Variants in MGST1 observed in about 807,000 individuals in gnomAD.
MGST1 encodes microsomal glutathione S-transferase 1.
MGST1 carries 5 observed loss-of-function variants against 8.9 expected under a neutral mutation model. The observed-to-expected ratio is 0.56, with a 90% CI of 0.29 to 1.19. The LOEUF (loss-of-function observed/expected upper bound fraction) is 1.19, where lower values mean the gene tolerates loss of function less well. Ranked by LOEUF, MGST1 falls within the 50% of genes most tolerant of loss-of-function variation. The probability of loss-of-function intolerance (pLI) is 0.08; values close to 1 mark genes in which losing one functional copy is unlikely to be tolerated. For missense variants in MGST1, 182 were observed against 187.4 expected (o/e 0.97, Z 0.17); for synonymous variants, 54 against 67.8 (o/e 0.80, Z 1.00).
At chr12:16,558,813 G>T (rs567088205) in intron 4 of MGST1, among the ~76,000 whole-genome samples, 17 of 152,248 alleles carry the variant, frequency 1.1e-4, no homozygotes, top group Non-Finnish European at 2.4e-4. Flanking sequence ...AAATTATAAA[G>T]ATAACTAACT....
intron 4 of MGST1, among the ~76,000 whole-genome samples, chr12:16,574,741 A>G (rs1031475513): frequency 1.3e-5 from 2 of 152,228 alleles, no homozygotes; most frequent in South Asian, 4.1e-4. Flanking sequence ...ATTAGAAAAG[A>G]AAGTCTTCTA....
Position 16,478,688 on chromosome 12 carries a change from A to G in MGST1, n.482+95084A>G, listed in dbSNP as rs16911964. 5.2e-3 allele frequency among the ~76,000 whole-genome samples: 786 copies of G among 152,198 alleles called. 26 individuals are homozygous for G. In the East Asian group the frequency reaches 0.064, roughly 12 times the overall value. ...TACATAAAATAGATAATAAATTACA[A>G]TATTAAAAAATGTATAGATTGGACC... On this transcript the variant is annotated intron_variant and non_coding_transcript_variant, in intron 4 of 4. Coordinates refer to the MGST1 transcript ENST00000538857.
intron 1 of MGST1, among the ~76,000 whole-genome samples, chr12:16,427,646 T>G (rs1940901866): frequency 6.6e-6 from 1 of 152,220 alleles, no homozygotes; most frequent in East Asian, 1.9e-4. Context: ...CATCCCAAAG[T>G]GCTGGGATTA....
At position 16,347,921 on chromosome 12, in the gene MGST1, C is replaced by A. The variant is rs558021306; in HGVS notation, c.-23+211C>A. 6.6e-6 allele frequency: 1 copy of A among 152,356 alleles called. No individual in the cohort carries two copies. The highest frequency in any genetic ancestry group is 1.9e-4 in the East Asian group (1 of 5,176). The allele number at this position is 152,356 out of a possible 1,614,324, so 9.4% of individuals were successfully genotyped here. On this transcript the variant is annotated intron_variant, in intron 1 of 3. Transcript: ENST00000396210. The surrounding 1 kb of genome is among the most constrained non-coding windows in gnomAD (Gnocchi z 4.0). ...CGGGTAAGTTTTCCCATTTCTCAAA[C>A]TCCAGGAATGAAACGAGAGAGTCTT...
intron 3 of MGST1, chr12:16,360,382 CGT>C: frequency 1.0e-5 from 10 of 984,828 alleles, no homozygotes; most frequent in Non-Finnish European, 1.2e-5. Flanking sequence ...TATGCTTTAC[CGT>C]GTGCAACAAT....
In MGST1 at chr12:16,445,422, GC is replaced by G. The variant is rs1941072182; in HGVS notation, n.482+61819del. Among the ~76,000 whole-genome samples the G allele has an allele frequency of 4.6e-5, 7 of 151,962 alleles. No homozygotes were observed. In the South Asian group the frequency reaches 1.5e-3, roughly 32 times the overall value. Reference sequence around the variant, plus strand: ...TGTGCTTTACCAAATCCTCCAGCATGCTAGCCATCTCTTGTTCACTTTGCAT... The same window carrying G: ...TGTGCTTTACCAAATCCTCCAGCATGTAGCCATCTCTTGTTCACTTTGCAT... On this transcript the variant is annotated intron_variant and non_coding_transcript_variant, in intron 4 of 4. Coordinates refer to the MGST1 transcript ENST00000538857.
At chr12:16,424,723 A>G (rs533050153) in intron 1 of MGST1, among the ~76,000 whole-genome samples, 10 of 152,286 alleles carry the variant, frequency 6.6e-5, no homozygotes, top group African/African-American at 1.9e-4. Context: ...ATGAAAGCTA[A>G]ATCTGGCACA....
chr12:16,447,578 G>T (rs76738110), intron 4 of MGST1, among the ~76,000 whole-genome samples: 254 of 152,050 alleles, frequency 1.7e-3, no homozygotes, highest in Admixed American at 3.5e-3. Context: ...GCATCTGACT[G>T]ATCTCATATG....
chr12:16,441,179 A>AT (rs1292127982), downstream of MGST1, among the ~76,000 whole-genome samples: 1 of 151,646 alleles, frequency 6.6e-6, no homozygotes. Flanking sequence ...AATTTACTTT[A>AT]TTTTTTAGAG....
chr12:16,408,799 A>G (rs775818838), intron 1 of MGST1, among the ~76,000 whole-genome samples: 40 of 152,030 alleles, frequency 2.6e-4, no homozygotes, highest in Non-Finnish European at 4.6e-4. Context: ...CCTCATCTCT[A>G]TTCCAAATTT....
At position 16,587,616 on chromosome 12, in the gene MGST1, A is replaced by AT. The variant is rs749717191; in HGVS notation, n.483-1905dup. On this transcript the variant is annotated intron_variant and non_coding_transcript_variant, in intron 4 of 4. Coordinates refer to the MGST1 transcript ENST00000538857. This position sits in a 1 kb window ranked among gnomAD's most constrained non-coding sequence, Gnocchi z 4.3. ...TAAATTGTATTTCTGTCAGTGTATCATTTTTTTAAGCAATGGACCCTATAA... is the reference window on the plus strand; with the variant it reads ...TAAATTGTATTTCTGTCAGTGTATCATTTTTTTTAAGCAATGGACCCTATAA... 6.6e-6 allele frequency among the ~76,000 whole-genome samples: 1 copy of AT among 151,962 alleles called. No individual in the cohort carries two copies. Among genetic ancestry groups the AT allele is most frequent in the African/African-American group, 2.4e-5 (1 of 41,382 alleles).
Position 16,500,428 on chromosome 12 carries a change from C to A in MGST1, n.483-89100C>A, listed in dbSNP as rs1016019798. On this transcript the variant is annotated intron_variant and non_coding_transcript_variant, in intron 4 of 4. Transcript: ENST00000538857. The surrounding 1 kb of genome is among the most constrained non-coding windows in gnomAD (Gnocchi z 4.3). ...AGGGACACATTTCAAGCAGTTTCAA[C>A]TCTTTTAATTAGAATTTATTTTTAG... Among the ~76,000 whole-genome samples the A allele has an allele frequency of 6.6e-6, 1 of 152,188 alleles. No homozygotes were observed. Among genetic ancestry groups the A allele is most frequent in the Non-Finnish European group, 1.5e-5 (1 of 68,028 alleles).
exon 4 of MGST1, chr12:16,376,258 A>C (rs1234859466): frequency 1.7e-6 from 1 of 599,722 alleles, no homozygotes; most frequent in Non-Finnish European, 2.9e-6. Context: ...TTATCTTTTC[A>C]ACATCTAATG....
chr12:16,393,196 A>G (rs1408446248), intron 1 of MGST1, among the ~76,000 whole-genome samples: 2 of 152,198 alleles, frequency 1.3e-5, no homozygotes, highest in African/African-American at 2.4e-5. Flanking sequence ...CTGTGCAAAT[A>G]AGGGGGCCCT....
intron 4 of MGST1, among the ~76,000 whole-genome samples, chr12:16,471,427 C>T (rs1392182414): frequency 2.6e-5 from 4 of 152,190 alleles, no homozygotes; most frequent in Non-Finnish European, 4.4e-5. Flanking sequence ...AATCAATACA[C>T]TAACCAGTTC....
At chr12:16,399,717 G>A (rs1328013369) in intron 1 of MGST1, 5 of 1,227,218 alleles carry the variant, frequency 4.1e-6, no homozygotes, top group African/African-American at 3.0e-5. Context: ...GGTCTTTATT[G>A]CTTTAGTCCA....
rs1941477087 is a variant in MGST1, at chr12:16,497,264, T to C, written n.483-92264T>C. 6.6e-6 allele frequency among the ~76,000 whole-genome samples: 1 copy of C among 152,068 alleles called. No individual in the cohort carries two copies. Among genetic ancestry groups the C allele is most frequent in the Non-Finnish European group, 1.5e-5 (1 of 68,004 alleles). On this transcript the variant is annotated intron_variant and non_coding_transcript_variant, in intron 4 of 4. Coordinates refer to the MGST1 transcript ENST00000538857. This position sits in a 1 kb window ranked among gnomAD's most constrained non-coding sequence, Gnocchi z 4.4. ...TTTAACCAAAAATAAGAAACAGAAA[T>C]TGACAGGCATTGAGAGAAACAGAAG...
intron 4 of MGST1, among the ~76,000 whole-genome samples, chr12:16,514,820 G>A (rs1031353201): frequency 1.3e-5 from 2 of 152,210 alleles, no homozygotes; most frequent in Admixed American, 1.3e-4. Flanking sequence ...ATGTTTCTCA[G>A]AAAAGAACAT....
At position 16,548,469 on chromosome 12, in the gene MGST1, T is replaced by A. The variant is rs1941869983; in HGVS notation, n.483-41059T>A. On this transcript the variant is annotated intron_variant and non_coding_transcript_variant, in intron 4 of 4. Coordinates refer to the MGST1 transcript ENST00000538857. The surrounding 1 kb of genome is among the most constrained non-coding windows in gnomAD (Gnocchi z 4.2). The stretch of plus-strand genomic sequence containing the variant: ...TTATTAAGCAAGATGAAAGTGAAAT[T>A]ACAAACACAGGTCAACTTTTAAACT... The A allele has an allele frequency of 6.6e-6, 1 of 152,152 alleles. No homozygotes were observed. The highest frequency in any genetic ancestry group is 1.5e-5 in the Non-Finnish European group (1 of 68,024). 9.4% of individuals were successfully genotyped at this position (152,152 alleles called of 1,614,324 possible). A position where few individuals can be genotyped will look rare whatever the true frequency, so the allele number is the denominator to read the frequency against.
Sources: allele counts gnomAD v4.1 joint callset (sites outside exome capture counted in the v4.1 genomes callset), GRCh38; gene constraint gnomAD v4.1.1; non-coding constraint Gnocchi (gnomAD v3.1); transcripts MANE v1.5; gene names NCBI Gene and HGNC (gene_info 2026-07-23, HGNC 2026-07-21).